SETBP1: variants seen among roughly 807,000 people sequenced by gnomAD.
SETBP1 encodes SET binding protein 1.
A neutral mutation model predicts 101.0 loss-of-function variants in SETBP1; 9 were observed. The ratio of observed to expected loss-of-function variants is 0.09; its 90% CI spans 0.05 to 0.16. The LOEUF is 0.16. Among genes scored for constraint, SETBP1 ranks in the 10% least tolerant of loss-of-function variants. The probability of loss-of-function intolerance (pLI) is 1.00; values close to 1 mark genes in which losing one functional copy is unlikely to be tolerated. For missense variants in SETBP1, 1,858 were observed against 2,033.8 expected, an observed-to-expected ratio of 0.91 and a Z score of 1.66; for synonymous variants, 818 against 788.5, an observed-to-expected ratio of 1.04 and a Z score of -0.63.
chr18:44,780,267 A>C (rs1341460962), intron 2 of SETBP1, among the ~76,000 whole-genome samples: 2 of 152,192 alleles, frequency 1.3e-5, no homozygotes, highest in African/African-American at 2.4e-5. Context: ...CAAATGAAGG[A>C]AACATACAGC....
At chr18:44,860,642 G>A (rs1458996578) in intron 2 of SETBP1, among the ~76,000 whole-genome samples, 1 of 152,082 alleles carries the variant, frequency 6.6e-6, no homozygotes, top group African/African-American at 2.4e-5. Flanking sequence ...AGCTACTTGG[G>A]AGGCTGAGAC....
chr18:44,690,237 G>T (rs1355869086), intron 1 of SETBP1, among the ~76,000 whole-genome samples: 1 of 152,216 alleles, frequency 6.6e-6, no homozygotes, highest in Non-Finnish European at 1.5e-5. Context: ...AATGTTTAAT[G>T]ACAGTACAAG....
intron 1 of SETBP1, among the ~76,000 whole-genome samples, chr18:44,686,001 C>G (rs571294618): frequency 6.6e-6 from 1 of 152,322 alleles, no homozygotes; most frequent in East Asian, 1.9e-4. Context: ...TGCAAACACA[C>G]AGGGAGGGGA....
chr18:44,769,823 T>C (rs1012499513), intron 2 of SETBP1, among the ~76,000 whole-genome samples: 2 of 152,234 alleles, frequency 1.3e-5, no homozygotes, highest in Non-Finnish European at 2.9e-5. Context: ...CACATACATA[T>C]GCTGCTGTGC....
At chr18:44,991,975 A>G (rs992406837) in intron 4 of SETBP1, among the ~76,000 whole-genome samples, 1 of 152,294 alleles carries the variant, frequency 6.6e-6, no homozygotes, top group Admixed American at 6.5e-5. Context: ...GGTAATCAAA[A>G]GATAACATTA....
At chr18:45,027,035 T>C (rs1441225070) in intron 4 of SETBP1, among the ~76,000 whole-genome samples, 1 of 152,242 alleles carries the variant, frequency 6.6e-6, no homozygotes, top group East Asian at 1.9e-4. Context: ...GCAATTTTTA[T>C]GTCTAATACC....
intron 3 of SETBP1, among the ~76,000 whole-genome samples, chr18:44,906,832 TTTTG>T (rs767963467): frequency 2.6e-4 from 40 of 152,296 alleles, no homozygotes; most frequent in African/African-American, 8.4e-4. Context: ...TTAAACCCTT[TTTTG>T]TTTGTTTGTT....
upstream of SETBP1, chr18:44,680,779 C>T (rs1475757452): frequency 6.6e-6 from 1 of 152,238 alleles, no homozygotes; most frequent in African/African-American, 2.4e-5. Context: ...CTCCCTCGGT[C>T]CTGCAGCCGG....
chr18:44,964,646 A>G (rs556206477), intron 4 of SETBP1, among the ~76,000 whole-genome samples: 111 of 152,122 alleles, frequency 7.3e-4, no homozygotes, highest in Non-Finnish European at 1.3e-3. Flanking sequence ...GAAAAAAACT[A>G]AAGTCACCTA....
At chr18:44,789,241 A>G (rs1261127408) in intron 2 of SETBP1, among the ~76,000 whole-genome samples, 1 of 152,180 alleles carries the variant, frequency 6.6e-6, no homozygotes, top group Non-Finnish European at 1.5e-5. Context: ...CTTTACCAAA[A>G]TAGCTTTGTG....
intron 4 of SETBP1, among the ~76,000 whole-genome samples, chr18:45,038,282 A>G (rs891664906): frequency 6.6e-6 from 1 of 152,240 alleles, no homozygotes; most frequent in Non-Finnish European, 1.5e-5. Flanking sequence ...ACCTAGAATG[A>G]CAACACTCCT....
At chr18:45,024,035 G>T (rs1398179282) in intron 4 of SETBP1, among the ~76,000 whole-genome samples, 1 of 152,106 alleles carries the variant, frequency 6.6e-6, no homozygotes, top group Non-Finnish European at 1.5e-5. Context: ...CTTATAAGTG[G>T]CATATTTCCC....
chr18:44,868,705 A>C lies in SETBP1; in HGVS notation c.487-525A>C, dbSNP rs1373496978. Among the ~76,000 whole-genome samples the C allele has an allele frequency of 6.0e-3, 26 of 4,368 alleles. 1 individual carries two copies. Among genetic ancestry groups the C allele is most frequent in the African/African-American group, 0.017 (22 of 1,298 alleles). 2.9% of individuals were successfully genotyped at this position (4,368 alleles called of 152,430 possible). A position where few individuals can be genotyped will look rare whatever the true frequency, so the allele number is the denominator to read the frequency against. ...GAGAGAGAGAGAGAGAGAGGACGGA[A>C]GGAAGGGAGGAAGGAAGGAAGGAAG... On this transcript the variant is annotated intron_variant, in intron 2 of 5. Transcript: ENST00000649279.
In SETBP1 at chr18:44,759,728, T is replaced by C. The variant is rs147110795; in HGVS notation, c.486+57896T>C. On this transcript the variant is annotated intron_variant, in intron 2 of 5. Coordinates refer to ENST00000649279, the MANE Select transcript of SETBP1 (RefSeq NM_015559.3). ...AGAACTAATCTAGCACATTTTATGA[T>C]GTTAGGCAAGTCACTCATGGCAAAT... Among the ~76,000 whole-genome samples, 251 of 152,362 alleles carry C rather than the reference T, an allele frequency of 1.6e-3. 1 individual carries two copies. Among genetic ancestry groups the C allele is most frequent in the African/African-American group, 6.0e-3 (249 of 41,588 alleles).
At chr18:44,778,515 C>A (rs2071054903) in intron 2 of SETBP1, among the ~76,000 whole-genome samples, 1 of 152,170 alleles carries the variant, frequency 6.6e-6, no homozygotes, top group South Asian at 2.1e-4. Context: ...TTTTCTTGAT[C>A]TCATTATGGT....
At position 44,895,152 on chromosome 18, in the gene SETBP1, G is replaced by A. The variant is rs899038434; in HGVS notation, c.540+25869G>A. ...CAAATGAAAGCAGAGAAAGAAAGGA[G>A]AAGAGGGAAGGGAAGGGAAGAGGAG... On this transcript the variant is annotated intron_variant, in intron 3 of 5. Coordinates refer to ENST00000649279, the MANE Select transcript of SETBP1 (RefSeq NM_015559.3). 2.4e-5 allele frequency among the ~76,000 whole-genome samples: 3 copies of A among 124,394 alleles called. No individual in the cohort carries two copies. The Admixed American group carries it at 2.5e-4, about 10-fold the overall frequency. 81.6% of individuals were successfully genotyped at this position (124,394 alleles called of 152,430 possible).
chr18:44,704,255 A>G (rs931571113), intron 2 of SETBP1, among the ~76,000 whole-genome samples: 7 of 152,204 alleles, frequency 4.6e-5, no homozygotes, highest in African/African-American at 1.7e-4. Flanking sequence ...CAGGCTGGTC[A>G]TTTTCACCCA....
intron 2 of SETBP1, among the ~76,000 whole-genome samples, chr18:44,705,173 G>A (rs1444064670): frequency 6.6e-6 from 1 of 152,154 alleles, no homozygotes; most frequent in Non-Finnish European, 1.5e-5. Flanking sequence ...ATTTTTAAAA[G>A]GTTGGGAAAA....
At chr18:44,894,682 A>G (rs1271876512) in intron 3 of SETBP1, among the ~76,000 whole-genome samples, 1 of 152,080 alleles carries the variant, frequency 6.6e-6, no homozygotes, top group Non-Finnish European at 1.5e-5. Flanking sequence ...CACTTGGGAA[A>G]ATGCATTCTC....
Sources: allele counts gnomAD v4.1 joint callset (sites outside exome capture counted in the v4.1 genomes callset), GRCh38; gene constraint gnomAD v4.1.1; transcripts MANE v1.5; gene names NCBI Gene and HGNC (gene_info 2026-07-23, HGNC 2026-07-21).